Variants in BMP1 observed in about 807,000 individuals in gnomAD.
The protein encoded by BMP1 is mammalian tolloid protein.
A neutral mutation model predicts 116.8 loss-of-function variants in BMP1; 63 were observed. The ratio of observed to expected loss-of-function variants is 0.54; its 90% CI spans 0.44 to 0.67. BMP1 has a LOEUF of 0.67. Ranked by LOEUF, BMP1 falls within the 30% of genes least tolerant of loss-of-function variation. BMP1 has a pLI of 0.00. For synonymous variants in BMP1, 536 were observed against 533.4 expected, an observed-to-expected ratio of 1.00 and a Z score of -0.07; for missense variants, 1,183 against 1,358.9, an observed-to-expected ratio of 0.87 and a Z score of 2.04.
intron 4 of BMP1, 133 bp downstream of exon 4, chr8:22,176,783 C>T: frequency 9.3e-7 from 1 of 1,077,446 alleles, no homozygotes; most frequent in East Asian, 2.4e-5. Context: ...GGCATCTACC[C>T]AGGAACTGCC....
Position 22,180,486 on chromosome 8 carries a change from A to G in BMP1, c.1077+3A>G. The G allele has an allele frequency of 6.2e-7, 1 of 1,612,914 alleles. No individual in the cohort carries two copies. The highest frequency in any genetic ancestry group is 8.5e-7 in the Non-Finnish European group (1 of 1,179,212). On this transcript the variant is annotated splice_donor_region_variant and intron_variant, in intron 8 of 19. Coordinates refer to ENST00000306385, the MANE Select transcript of BMP1 (RefSeq NM_006129.5). Reference sequence around the variant, plus strand: ...TCTCTGTCACACCCGGGGAGAAGGTACGTGTGGGCTCAGCCTCTGAGCCTC... The same window carrying G: ...TCTCTGTCACACCCGGGGAGAAGGTGCGTGTGGGCTCAGCCTCTGAGCCTC...
intron 16 of BMP1, among the ~76,000 whole-genome samples, chr8:22,204,206 T>C (rs1483165509): frequency 2.0e-5 from 3 of 152,098 alleles, no homozygotes; most frequent in Non-Finnish European, 4.4e-5. Flanking sequence ...GGCAGGGGGC[T>C]GTGTGAACCC....
At chr8:22,207,608 G>A (rs1034188969) in intron 18 of BMP1, 92 bp downstream of exon 18, 24 of 1,434,634 alleles carry the variant, frequency 1.7e-5, no homozygotes, top group Non-Finnish European at 2.3e-5. Context: ...AAGGTACAGA[G>A]GGACTGAGCC....
At chr8:22,204,123 C>T (rs76335648) in intron 16 of BMP1, among the ~76,000 whole-genome samples, 1,634 of 152,314 alleles carry the variant, frequency 0.011, 31 homozygotes, top group African/African-American at 0.038. Flanking sequence ...ACGGAGATTG[C>T]AGCCTAGCTG....
chr8:22,206,280 T>C (rs909820943), intron 16 of BMP1, among the ~76,000 whole-genome samples: 1 of 152,096 alleles, frequency 6.6e-6, no homozygotes, highest in South Asian at 2.1e-4. Flanking sequence ...GGTGGGTAGA[T>C]CTCCTGAGGT....
chr8:22,197,266 G>A lies in BMP1; in HGVS notation c.1953G>A (p.Val651=), dbSNP rs1399631933. ...TGTGCAAGTACGACTTCGTGGAGGT[G>A]CGCAGTGGACTCACAGCTGACTCCA... ...NDVCKYDFVE[V]RSGLTADSKL... The change falls in exon 15 of 20, where the codon GTG becomes GTA. Residue 651 remains valine, a synonymous_variant. Transcript: ENST00000306385. 1.2e-6 allele frequency: 2 copies of A among 1,613,036 alleles called. No homozygotes were observed. The highest frequency in any genetic ancestry group is 1.7e-5 in the Admixed American group (1 of 59,978).
In BMP1 at chr8:22,211,849, C is replaced by G. The variant is rs1430030743; in HGVS notation, c.*121C>G. ...CCCCCAGGCCCCAGGACCTGCAGGG[C>G]CAATGGCCTGGTGAGACTGTCCATA... is the stretch of plus-strand genomic sequence containing the variant. On this transcript the variant is annotated 3_prime_UTR_variant, in exon 20 of 20. Transcript: ENST00000306385. 1.4e-5 allele frequency: 21 copies of G among 1,474,778 alleles called. No individual in the cohort carries two copies. The allele number at this position is 1,474,778 out of a possible 1,614,324, so 91.4% of individuals were successfully genotyped here.
At chr8:22,196,643 C>T (rs762942860) in intron 13 of BMP1, 37 bp from the exon 14 acceptor site, 1 of 1,612,444 alleles carries the variant, frequency 6.2e-7, no homozygotes, top group South Asian at 1.1e-5. Flanking sequence ...ATGGCAGGGG[C>T]TCCCCGCAGA....
At chr8:22,187,362 C>T (rs541231541) in intron 8 of BMP1, among the ~76,000 whole-genome samples, 3 of 148,110 alleles carry the variant, frequency 2.0e-5, no homozygotes, top group South Asian at 4.3e-4. Context: ...GATGGAGTCT[C>T]GCTCTGTTGC....
intron 13 of BMP1, chr8:22,196,126 G>A (rs1829079028): frequency 2.0e-6 from 1 of 503,570 alleles, no homozygotes; most frequent in African/African-American, 1.9e-5. Flanking sequence ...GGTGTTTTCG[G>A]GTTTTTTTTG....
At chr8:22,202,614 G>A (rs62494052) in intron 16 of BMP1, among the ~76,000 whole-genome samples, 9,901 of 152,286 alleles carry the variant, frequency 0.065, 357 homozygotes, top group African/African-American at 0.094. Flanking sequence ...TTGGGAGGCC[G>A]AGGCAGGAGG....
At chr8:22,165,878 C>CGGGCGT (rs1554477727) in intron 1 of BMP1, among the ~76,000 whole-genome samples, 1 of 67,712 alleles carries the variant, frequency 1.5e-5, no homozygotes, top group Non-Finnish European at 3.5e-5. Context: ...AACTCCTGTG[C>CGGGCGT]GTGCGTGTGT....
intron 16 of BMP1, among the ~76,000 whole-genome samples, chr8:22,206,031 C>G (rs1320535635): frequency 6.6e-6 from 1 of 152,200 alleles, no homozygotes; most frequent in Non-Finnish European, 1.5e-5. Context: ...TCCCCTGTGA[C>G]TGTCCAGGCT....
intron 6 of BMP1, 30 bp downstream of exon 6, chr8:22,177,987 G>T (rs186609409): frequency 6.5e-7 from 1 of 1,533,586 alleles, no homozygotes; most frequent in East Asian, 2.3e-5. Context: ...CTGGGCCTCT[G>T]CTCGGGCAGC....
At chr8:22,203,683 G>A (rs924352099) in intron 16 of BMP1, among the ~76,000 whole-genome samples, 1 of 152,204 alleles carries the variant, frequency 6.6e-6, no homozygotes, top group Non-Finnish European at 1.5e-5. Context: ...TGACAACCCA[G>A]GTTTAAACAG....
At chr8:22,165,882 C>CGTGTGTGTGT (rs149003237) in intron 1 of BMP1, among the ~76,000 whole-genome samples, 10,529 of 131,220 alleles carry the variant, frequency 0.08, 597 homozygotes, top group East Asian at 0.12. Context: ...CCTGTGCGTG[C>CGTGTGTGTGT]GTGTGTGTGT....
intron 3 of BMP1, 81 bp downstream of exon 3, chr8:22,176,394 T>C (rs1162508525): frequency 6.4e-7 from 1 of 1,559,476 alleles, no homozygotes; most frequent in Non-Finnish European, 8.7e-7. Flanking sequence ...CACGGAGGCG[T>C]GGGTGCCACC....
At chr8:22,199,281 C>T (rs139323443) in intron 15 of BMP1, 92 of 1,366,882 alleles carry the variant, frequency 6.7e-5, no homozygotes, top group Non-Finnish European at 7.9e-5. Flanking sequence ...GCTATTTGGA[C>T]TTTTGGGACA....
rs1828539125 is a variant in BMP1, at chr8:22,179,109, GCAAA to G, written c.837-593_837-590del. Among the ~76,000 whole-genome samples the G allele has an allele frequency of 1.3e-5, 2 of 152,204 alleles. No homozygotes were observed. The highest frequency in any genetic ancestry group is 6.5e-5 in the Admixed American group (1 of 15,286). The stretch of plus-strand genomic sequence containing the variant: ...TCCCCTTCACTCTGCTCCTCCCAGT[GCAAA>G]CACCCAGGATTCAGCAGGGAGGAAT... On this transcript the variant is annotated intron_variant, in intron 6 of 19. Coordinates refer to ENST00000306385, the MANE Select transcript of BMP1 (RefSeq NM_006129.5). This position sits in a 1 kb window ranked among gnomAD's most constrained non-coding sequence, Gnocchi z 4.6.
Sources: allele counts gnomAD v4.1 joint callset (sites outside exome capture counted in the v4.1 genomes callset), GRCh38; gene constraint gnomAD v4.1.1; non-coding constraint Gnocchi (gnomAD v3.1); transcripts MANE v1.5; gene names NCBI Gene and HGNC (gene_info 2026-07-23, HGNC 2026-07-21).